METTL21A: variants seen among roughly 807,000 people sequenced by gnomAD.
METTL21A encodes methyltransferase 21A, HSPA lysine.
In METTL21A, 22 loss-of-function variants were observed where a neutral mutation model predicts 20.9. The ratio of observed to expected loss-of-function variants is 1.05; its 90% CI spans 0.75 to 1.50. METTL21A has a LOEUF of 1.50. Among genes scored for constraint, METTL21A ranks in the 40% most tolerant of loss-of-function variants. The pLI, the probability that METTL21A is intolerant of heterozygous loss-of-function variation, is 0.00. For synonymous variants in METTL21A, 93 were observed against 102.0 expected (o/e 0.91, Z 0.53); for missense variants, 271 against 266.8 (o/e 1.02, Z -0.11).
At chr2:207,594,946 G>C (rs2085818209) in intron 3 of METTL21A, among the ~76,000 whole-genome samples, 3 of 149,704 alleles carry the variant, frequency 2.0e-5, no homozygotes, top group African/African-American at 7.4e-5. Context: ...GTGATACCTA[G>C]TGGTTTTGAT....
At chr2:207,604,068 ATAT>A (rs1264218801) in intron 3 of METTL21A, among the ~76,000 whole-genome samples, 1 of 152,196 alleles carries the variant, frequency 6.6e-6, no homozygotes, top group Non-Finnish European at 1.5e-5. Context: ...TTTGAGAGTG[ATAT>A]TAATTACATG....
At chr2:207,595,597 T>C (rs2085988722) in intron 3 of METTL21A, among the ~76,000 whole-genome samples, 1 of 151,836 alleles carries the variant, frequency 6.6e-6, no homozygotes, top group Non-Finnish European at 1.5e-5. Context: ...GGTTCTTGGT[T>C]TGTCACCCAG....
chr2:207,584,906 A>G (rs759775615), intron 3 of METTL21A, among the ~76,000 whole-genome samples: 9 of 152,146 alleles, frequency 5.9e-5, no homozygotes, highest in Non-Finnish European at 1.2e-4. Flanking sequence ...GCAGAGCAAA[A>G]GGTTGCCATT....
At chr2:207,594,967 C>A (rs1213257138) in intron 3 of METTL21A, among the ~76,000 whole-genome samples, 1 of 149,276 alleles carries the variant, frequency 6.7e-6, no homozygotes, top group East Asian at 1.9e-4. Flanking sequence ...TTGCATTTCC[C>A]TAGTGATTAG....
chr2:207,617,970 G>T (rs1169249344), intron 3 of METTL21A, among the ~76,000 whole-genome samples: 1 of 152,192 alleles, frequency 6.6e-6, no homozygotes, highest in Admixed American at 6.5e-5. Context: ...AGTTTAGAAA[G>T]AAAAGAGTTT....
At chr2:207,619,807 G>A (rs2090263077) in intron 3 of METTL21A, among the ~76,000 whole-genome samples, 1 of 152,016 alleles carries the variant, frequency 6.6e-6, no homozygotes, top group Non-Finnish European at 1.5e-5. Flanking sequence ...AACACTCGTG[G>A]AGCACTTCCT....
At chr2:207,612,936 T>C in exon 4 of METTL21A, 1 of 1,177,648 alleles carries the variant, frequency 8.5e-7, no homozygotes, top group Non-Finnish European at 1.2e-6. Flanking sequence ...CTGAGAACCT[T>C]TGGCTTAGAC....
intron 3 of METTL21A, among the ~76,000 whole-genome samples, chr2:207,615,334 G>A (rs1218129676): frequency 2.0e-5 from 3 of 152,040 alleles, no homozygotes; most frequent in Admixed American, 6.5e-5. Flanking sequence ...TTAGCCAGGC[G>A]TGGTGGCACT....
At chr2:207,592,009 T>C (rs935973072) in intron 3 of METTL21A, among the ~76,000 whole-genome samples, 2 of 152,246 alleles carry the variant, frequency 1.3e-5, no homozygotes, top group African/African-American at 4.8e-5. Flanking sequence ...AACTCTTTTT[T>C]ACATTTCTTA....
chr2:207,587,830 A>G (rs1036892810), intron 3 of METTL21A, among the ~76,000 whole-genome samples: 1 of 152,144 alleles, frequency 6.6e-6, no homozygotes, highest in Non-Finnish European at 1.5e-5. Flanking sequence ...GAGGTTGGTT[A>G]ATGGACACAA....
intron 3 of METTL21A, among the ~76,000 whole-genome samples, chr2:207,614,876 A>G (rs2089484094): frequency 6.6e-6 from 1 of 152,186 alleles, no homozygotes; most frequent in Admixed American, 6.5e-5. Context: ...CTTTCATAAA[A>G]TTCTTTCCAT....
intron 3 of METTL21A, among the ~76,000 whole-genome samples, chr2:207,588,730 T>A (rs1354375216): frequency 1.8e-4 from 1 of 5,596 alleles, no homozygotes; most frequent in Non-Finnish European, 7.2e-3. Flanking sequence ...GTTTTCTGGT[T>A]TTTTTTTTTT....
chr2:207,621,801 C>G lies in METTL21A; in HGVS notation c.259+5G>C, dbSNP rs186405977. On this transcript the variant is annotated splice_donor_5th_base_variant and intron_variant, in intron 3 of 3. Coordinates refer to ENST00000406927, the Ensembl canonical transcript of METTL21A. ...CTCACTAAGGAGTCAATGCATGACA[C>G]TCACCCAGCAGGGCAGCCACTATGC... 6.3e-4 allele frequency: 1,024 copies of G among 1,613,288 alleles called. 2 individuals carry two copies. Among genetic ancestry groups the G allele is most frequent in the Middle Eastern group, 1.3e-3 (8 of 6,058 alleles).
At chr2:207,589,105 A>G (rs2084476844) in intron 3 of METTL21A, among the ~76,000 whole-genome samples, 1 of 152,082 alleles carries the variant, frequency 6.6e-6, no homozygotes, top group African/African-American at 2.4e-5. Flanking sequence ...CTATTGCTGC[A>G]TGTCACAAAC....
intron 3 of METTL21A, among the ~76,000 whole-genome samples, chr2:207,621,435 T>TG (rs1297474127): frequency 1.3e-5 from 2 of 152,332 alleles, no homozygotes; most frequent in East Asian, 3.9e-4. Context: ...AGATAGTGTA[T>TG]GGGAAAGAAA....
chr2:207,601,261 T>C, intron 3 of METTL21A: 1 of 185,698 alleles, frequency 5.4e-6, no homozygotes, highest in Middle Eastern at 2.0e-3. Flanking sequence ...ACTTGCACTT[T>C]TTTAAATGAC....
Position 207,621,794 on chromosome 2 carries a change from C to A in METTL21A, c.259+12G>T. 6.2e-7 allele frequency: 1 copy of A among 1,609,524 alleles called. No homozygotes were observed. The highest frequency in any genetic ancestry group is 1.1e-5 in the South Asian group (1 of 91,002). ...AGTTCTGCTCACTAAGGAGTCAATG[C>A]ATGACACTCACCCAGCAGGGCAGCC... On this transcript the variant is annotated intron_variant, in intron 3 of 3. Transcript: ENST00000406927.
intron 3 of METTL21A, among the ~76,000 whole-genome samples, chr2:207,586,385 G>A (rs2083843750): frequency 1.3e-5 from 2 of 152,242 alleles, no homozygotes; most frequent in African/African-American, 4.8e-5. Flanking sequence ...AATGAAACTA[G>A]ATACCTATCA....
chr2:207,620,763 C>T, intron 3 of METTL21A: 1 of 1,434,342 alleles, frequency 7.0e-7, no homozygotes, highest in Non-Finnish European at 9.3e-7. Flanking sequence ...CCTGCCCATG[C>T]TCCCTGTCGA....
Sources: allele counts gnomAD v4.1 joint callset (sites outside exome capture counted in the v4.1 genomes callset), GRCh38; gene constraint gnomAD v4.1.1; transcripts MANE v1.5; gene names NCBI Gene and HGNC (gene_info 2026-07-23, HGNC 2026-07-21).